Variants in NRXN3 observed in about 807,000 individuals in gnomAD.
NRXN3 encodes neurexin 3, also known as neurexin III.
A neutral mutation model predicts 137.6 loss-of-function variants in NRXN3; 32 were observed. The ratio of observed to expected loss-of-function variants is 0.23; its 90% CI spans 0.18 to 0.31. NRXN3 has a LOEUF of 0.31. Ranked by LOEUF, NRXN3 falls within the 10% of genes least tolerant of loss-of-function variation. The pLI, the probability that NRXN3 is intolerant of heterozygous loss-of-function variation, is 1.00. For missense variants in NRXN3, 1,574 were observed against 2,062.5 expected, an observed-to-expected ratio of 0.76 and a Z score of 4.59; for synonymous variants, 798 against 784.5, an observed-to-expected ratio of 1.02 and a Z score of -0.29.
chr14:78,515,935 G>A (rs1478326987), intron 4 of NRXN3, among the ~76,000 whole-genome samples: 2 of 152,082 alleles, frequency 1.3e-5, no homozygotes, highest in South Asian at 2.1e-4. Context: ...AGCGCCTTAA[G>A]CACTTTAATC....
intron 15 of NRXN3, among the ~76,000 whole-genome samples, chr14:79,272,055 CCTT>C (rs1156975745): frequency 6.6e-6 from 1 of 152,068 alleles, no homozygotes. Context: ...GTCTATGAAT[CCTT>C]CTTGATGGTC....
chr14:78,239,005 A>G (rs534133947), intron 1 of NRXN3, among the ~76,000 whole-genome samples: 45 of 152,308 alleles, frequency 3.0e-4, no homozygotes, highest in Non-Finnish European at 1.2e-4. Flanking sequence ...GGGTCATGTG[A>G]GGTTGGCATC....
At chr14:78,767,076 C>T (rs1056901701) in intron 8 of NRXN3, among the ~76,000 whole-genome samples, 1 of 152,160 alleles carries the variant, frequency 6.6e-6, no homozygotes, top group Non-Finnish European at 1.5e-5. Flanking sequence ...GGTCCTAGGT[C>T]CAGGCATGAA....
rs187200346 is a variant in NRXN3, at chr14:79,121,593, A to G, written c.3262+133452A>G. 4.6e-5 allele frequency among the ~76,000 whole-genome samples: 7 copies of G among 152,288 alleles called. 1 individual carries two copies. The East Asian group carries it at 1.2e-3, about 25-fold the overall frequency. ...ATTATCTCGTTTTATAAAATGGCAC[A>G]TGGGTTTATCACTTGGAGACAAAGA... On this transcript the variant is annotated intron_variant, in intron 15 of 20. Coordinates refer to ENST00000335750, the MANE Select transcript of NRXN3 (RefSeq NM_001330195.2).
At chr14:79,100,651 T>C (rs1049911188) in intron 15 of NRXN3, among the ~76,000 whole-genome samples, 2 of 152,178 alleles carry the variant, frequency 1.3e-5, no homozygotes, top group African/African-American at 4.8e-5. Context: ...GCTGCTAATC[T>C]GTAGGTTGCA....
intron 16 of NRXN3, among the ~76,000 whole-genome samples, chr14:79,521,911 T>C (rs2097069267): frequency 6.6e-6 from 1 of 152,194 alleles, no homozygotes; most frequent in African/African-American, 2.4e-5. Flanking sequence ...TAAATACCAT[T>C]TGTAAACTAT....
intron 19 of NRXN3, among the ~76,000 whole-genome samples, chr14:79,699,542 T>C (rs10137745): frequency 0.09 from 13,630 of 152,006 alleles, 679 homozygotes; most frequent in South Asian, 0.19. Context: ...GTAGTAATTA[T>C]TGGTTTTTTG....
At chr14:78,631,098 G>A (rs1462749596) in intron 4 of NRXN3, among the ~76,000 whole-genome samples, 3 of 152,140 alleles carry the variant, frequency 2.0e-5, no homozygotes, top group Non-Finnish European at 2.9e-5. Context: ...CCTCCCATGA[G>A]ATAATCATTC....
chr14:79,385,430 G>T (rs187939595), intron 15 of NRXN3, among the ~76,000 whole-genome samples: 1 of 151,876 alleles, frequency 6.6e-6, no homozygotes, highest in African/African-American at 2.4e-5. Context: ...TGGTGTATAT[G>T]TGCCACATTT....
intron 17 of NRXN3, among the ~76,000 whole-genome samples, chr14:79,690,838 C>T (rs2098713805): frequency 6.6e-6 from 1 of 152,088 alleles, no homozygotes; most frequent in African/African-American, 2.4e-5. Context: ...CTTTAGCATG[C>T]CCCTATTCAT....
chr14:79,644,517 A>G (rs1033195004), intron 16 of NRXN3, among the ~76,000 whole-genome samples: 2 of 136,022 alleles, frequency 1.5e-5, no homozygotes, highest in African/African-American at 4.9e-5. Flanking sequence ...ACTGAGATTC[A>G]TATACAACTG....
At chr14:78,456,845 CT>C (rs1567644910) in intron 4 of NRXN3, among the ~76,000 whole-genome samples, 2 of 132,588 alleles carry the variant, frequency 1.5e-5, no homozygotes, top group South Asian at 5.0e-4. Context: ...TTCTTTCTTT[CT>C]TTCTTTCTTT....
intron 16 of NRXN3, among the ~76,000 whole-genome samples, chr14:79,486,337 A>G (rs1288762733): frequency 6.6e-6 from 1 of 152,246 alleles, no homozygotes; most frequent in African/African-American, 2.4e-5. Flanking sequence ...ATGTATGTAG[A>G]ATACACACAT....
At chr14:79,000,376 G>T (rs1379407489) in intron 15 of NRXN3, among the ~76,000 whole-genome samples, 5 of 152,034 alleles carry the variant, frequency 3.3e-5, no homozygotes, top group Non-Finnish European at 2.9e-5. Context: ...ATAGCTTTCG[G>T]TTGCATCTTA....
At chr14:78,172,048 C>T (rs2058774736) in intron 1 of NRXN3, among the ~76,000 whole-genome samples, 1 of 152,120 alleles carries the variant, frequency 6.6e-6, no homozygotes, top group Non-Finnish European at 1.5e-5. Flanking sequence ...TTTTCTTTTA[C>T]CACTACAAGC....
chr14:78,433,554 C>T (rs1395229025), intron 4 of NRXN3, among the ~76,000 whole-genome samples: 2 of 152,082 alleles, frequency 1.3e-5, no homozygotes, highest in Admixed American at 1.3e-4. Flanking sequence ...GTGGGCTGTA[C>T]CCTATGAATG....
chr14:79,548,558 A>G (rs1431847727), intron 16 of NRXN3, among the ~76,000 whole-genome samples: 5 of 152,004 alleles, frequency 3.3e-5, no homozygotes, highest in African/African-American at 1.2e-4. Flanking sequence ...ATACCCTGCA[A>G]TCCCATTACT....
chr14:79,090,275 G>C (rs11627661), intron 15 of NRXN3, among the ~76,000 whole-genome samples: 51,953 of 151,938 alleles, frequency 0.34, 9,338 homozygotes, highest in Admixed American at 0.47. Context: ...GATTATTAAA[G>C]TCTCTGAGTA....
At chr14:78,913,246 T>TTTTCTTTC (rs1277509308) in intron 10 of NRXN3, among the ~76,000 whole-genome samples, 89 of 113,016 alleles carry the variant, frequency 7.9e-4, no homozygotes, top group East Asian at 3.1e-3. Flanking sequence ...TTTTCCTTTC[T>TTTTCTTTC]TTTCTTTCTT....
Sources: allele counts gnomAD v4.1 joint callset (sites outside exome capture counted in the v4.1 genomes callset), GRCh38; gene constraint gnomAD v4.1.1; transcripts MANE v1.5; gene names NCBI Gene and HGNC (gene_info 2026-07-23, HGNC 2026-07-21).